Variants in PAM observed in about 807,000 individuals in gnomAD.
PAM encodes peptidyl-glycine alpha-amidating monooxygenase.
Under a neutral mutation model 122.1 loss-of-function variants are expected in PAM, and 72 were observed. The ratio of observed to expected loss-of-function variants is 0.59; its 90% CI spans 0.49 to 0.72. The LOEUF is 0.72. PAM is among the 30% of genes least tolerant of loss of function. The pLI, the probability that PAM is intolerant of heterozygous loss-of-function variation, is 0.00. For synonymous variants in PAM, 389 were observed against 404.4 expected, an observed-to-expected ratio of 0.96 and a Z score of 0.46; for missense variants, 1,106 against 1,183.7, an observed-to-expected ratio of 0.93 and a Z score of 0.96.
intron 7 of PAM, among the ~76,000 whole-genome samples, chr5:102,940,418 C>T (rs1299728596): frequency 1.3e-5 from 2 of 148,270 alleles, no homozygotes; most frequent in East Asian, 3.9e-4. Flanking sequence ...TTCAGATTAA[C>T]ATTTAAAGTG....
In PAM at chr5:102,938,442, G is replaced by A. The variant is rs149574947; in HGVS notation, c.527-8395G>A. Among the ~76,000 whole-genome samples the A allele has an allele frequency of 6.7e-3, 1,013 of 152,136 alleles. 8 individuals carry two copies. The highest frequency in any genetic ancestry group is 0.012 in the Non-Finnish European group (845 of 67,988). On this transcript the variant is annotated intron_variant, in intron 7 of 25. Transcript: ENST00000438793. Reference sequence around the variant, plus strand: ...CAGAATGTTTTTTATCCCTTAAAACGTGGATTTTTAAAAAAGTAATTCAAC... The same window carrying A: ...CAGAATGTTTTTTATCCCTTAAAACATGGATTTTTAAAAAAGTAATTCAAC...
At chr5:102,857,381 A>G (rs940392808) in intron 1 of PAM, among the ~76,000 whole-genome samples, 7 of 152,156 alleles carry the variant, frequency 4.6e-5, no homozygotes, top group African/African-American at 1.7e-4. Flanking sequence ...TGGGTTTTAT[A>G]TGAAATCTTT....
In PAM at chr5:102,926,464, A is replaced by G. The variant is rs542812907; in HGVS notation, c.443-121A>G. 550 of 627,644 alleles carry G rather than the reference A, an allele frequency of 8.8e-4. 4 individuals carry two copies. Among genetic ancestry groups the G allele is most frequent in the Non-Finnish European group, 1.3e-3 (444 of 354,056 alleles). 38.9% of individuals were successfully genotyped at this position (627,644 alleles called of 1,614,324 possible). A position where few individuals can be genotyped will look rare whatever the true frequency, so the allele number is the denominator to read the frequency against. ...CAGTCAATGGTATATTTCTGTTTTC[A>G]TATAATATAATTTTATATGTTATAT... On this transcript the variant is annotated intron_variant, in intron 6 of 25. Transcript: ENST00000438793.
At chr5:102,797,923 A>G (rs1418633925) in intron 1 of PAM, among the ~76,000 whole-genome samples, 1 of 152,164 alleles carries the variant, frequency 6.6e-6, no homozygotes, top group African/African-American at 2.4e-5. Context: ...CTTGAAATTC[A>G]TACAGTATAT....
At chr5:102,771,617 G>A (rs1755808065) in intron 1 of PAM, among the ~76,000 whole-genome samples, 1 of 152,072 alleles carries the variant, frequency 6.6e-6, no homozygotes, top group Non-Finnish European at 1.5e-5. Context: ...TTCAACTACA[G>A]GATCACAAAG....
At chr5:102,756,793 A>G (rs79055568) in intron 1 of PAM, among the ~76,000 whole-genome samples, 4,373 of 152,230 alleles carry the variant, frequency 0.029, 111 homozygotes, top group East Asian at 0.14. Context: ...TAGAATTGAT[A>G]TTAAATGGTA....
chr5:102,793,844 TAGA>T (rs1311095604), intron 1 of PAM, among the ~76,000 whole-genome samples: 1 of 152,232 alleles, frequency 6.6e-6, no homozygotes, highest in Non-Finnish European at 1.5e-5. Context: ...CTTTTATACT[TAGA>T]ATAAAAAACT....
chr5:102,805,064 C>CTTTTTTTTTTTTTTT (rs527963126), intron 1 of PAM, among the ~76,000 whole-genome samples: 1 of 103,774 alleles, frequency 9.6e-6, no homozygotes, highest in Admixed American at 1.1e-4. Context: ...GGGAATTTTC[C>CTTTTTTTTTTTTTTT]TTTTTTTTTT....
chr5:102,927,531 T>G lies in PAM; in HGVS notation c.526+863T>G, dbSNP rs11949915. ...TCCCTTTCCAAATACATTAGCTATCTCTCCAGCAACTAAGTTTGGAAGTAG... is the reference window on the plus strand; with the variant it reads ...TCCCTTTCCAAATACATTAGCTATCGCTCCAGCAACTAAGTTTGGAAGTAG... On this transcript the variant is annotated intron_variant, in intron 7 of 25. Coordinates refer to ENST00000438793, the MANE Select transcript of PAM (RefSeq NM_001177306.2). Among the ~76,000 whole-genome samples, 1,219 of 152,220 alleles carry G rather than the reference T, an allele frequency of 8.0e-3. 22 individuals carry two copies. Among genetic ancestry groups the G allele is most frequent in the African/African-American group, 0.027 (1,138 of 41,526 alleles).
chr5:102,996,604 C>T (rs767091925), intron 16 of PAM, among the ~76,000 whole-genome samples: 1 of 152,190 alleles, frequency 6.6e-6, no homozygotes, highest in Non-Finnish European at 1.5e-5. Flanking sequence ...ATGTAACCGT[C>T]AGGGACCAGC....
intron 1 of PAM, among the ~76,000 whole-genome samples, chr5:102,760,157 T>C (rs568877247): frequency 2.6e-5 from 4 of 152,350 alleles, no homozygotes; most frequent in African/African-American, 9.6e-5. Context: ...TCTTTCCCTC[T>C]GAAGCAAAGG....
chr5:103,028,105 ATTT>A, intron 24 of PAM, 77 bp from the exon 25 acceptor site: 1 of 1,062,432 alleles, frequency 9.4e-7, no homozygotes, highest in Non-Finnish European at 1.5e-6. Context: ...ACCAGTTCCT[ATTT>A]TAAGTTGGAA....
At chr5:102,786,313 G>A (rs1402217532) in intron 1 of PAM, among the ~76,000 whole-genome samples, 1 of 152,172 alleles carries the variant, frequency 6.6e-6, no homozygotes, top group Non-Finnish European at 1.5e-5. Context: ...GCAAAATGGA[G>A]AAATTAGTAT....
chr5:102,762,331 C>T (rs1174454718), intron 1 of PAM, among the ~76,000 whole-genome samples: 1 of 152,148 alleles, frequency 6.6e-6, no homozygotes, highest in Non-Finnish European at 1.5e-5. Flanking sequence ...TTCTGAAGAT[C>T]AGAATTTTCC....
intron 3 of PAM, among the ~76,000 whole-genome samples, chr5:102,882,096 TATATATATATATATAC>T (rs1374936303): frequency 4.7e-5 from 5 of 105,628 alleles, no homozygotes; most frequent in Admixed American, 2.8e-4. Context: ...TATATATATA[TATATATATATATATAC>T]ACCACATTTT....
intron 4 of PAM, among the ~76,000 whole-genome samples, chr5:102,909,649 T>C (rs908289135): frequency 4.6e-5 from 7 of 151,832 alleles, no homozygotes; most frequent in Non-Finnish European, 8.8e-5. Context: ...CTCATCTAGA[T>C]TGACTCTAGG....
At chr5:102,797,199 T>C (rs1763588020) in intron 1 of PAM, among the ~76,000 whole-genome samples, 1 of 152,200 alleles carries the variant, frequency 6.6e-6, no homozygotes, top group Non-Finnish European at 1.5e-5. Flanking sequence ...TCTCTTATTT[T>C]TATTGGAAAA....
At chr5:103,013,245 C>A (rs975405255) in intron 21 of PAM, among the ~76,000 whole-genome samples, 7 of 152,048 alleles carry the variant, frequency 4.6e-5, no homozygotes, top group African/African-American at 1.7e-4. Context: ...CAGTTTTTTT[C>A]ATCAGCATTT....
intron 1 of PAM, chr5:102,838,174 C>G (rs1777591317): frequency 6.6e-6 from 1 of 152,070 alleles, no homozygotes; most frequent in African/African-American, 2.4e-5. Flanking sequence ...GATTAGCAGT[C>G]ATTGCCTCCA....
Sources: gnomAD v4.1 joint callset for allele counts (sites outside exome capture counted in the v4.1 genomes callset) on GRCh38, gnomAD v4.1.1 for gene constraint, MANE v1.5 for transcripts, NCBI Gene and HGNC (gene_info 2026-07-23, HGNC 2026-07-21) for gene names.